The following ITGB1BP1 variants were observed in gnomAD, a reference collection of about 807,000 sequenced individuals.
ITGB1BP1 encodes integrin subunit beta 1 binding protein 1, also known as integrin beta-1-binding protein 1.
Under a neutral mutation model 28.0 loss-of-function variants are expected in ITGB1BP1, and 20 were observed. The observed-to-expected ratio is 0.71, with a 90% CI of 0.50 to 1.04. The LOEUF (loss-of-function observed/expected upper bound fraction) is 1.04, where lower values mean the gene tolerates loss of function less well. Among genes scored for constraint, ITGB1BP1 ranks in the 50% least tolerant of loss-of-function variants. ITGB1BP1 has a pLI of 0.00. For synonymous variants in ITGB1BP1, 103 were observed against 89.5 expected (o/e 1.15, Z -0.85); for missense variants, 228 against 242.5 (o/e 0.94, Z 0.40).
chr2:9,409,833 C>T (rs775832726), intron 4 of ITGB1BP1, among the ~76,000 whole-genome samples: 15 of 148,626 alleles, frequency 1.0e-4, no homozygotes, highest in African/African-American at 1.5e-4. Flanking sequence ...TCCAAACTAC[C>T]GTGAGTTCTT....
chr2:9,408,603 G>C (rs1677880625), intron 4 of ITGB1BP1, among the ~76,000 whole-genome samples: 1 of 152,192 alleles, frequency 6.6e-6, no homozygotes, highest in Non-Finnish European at 1.5e-5. Flanking sequence ...ACCTCCCAAA[G>C]TGCAGGGATT....
At chr2:9,418,776 CTTT>C (rs35904811) in intron 1 of ITGB1BP1, 44 bp from the exon 2 acceptor site, 1,098 of 948,346 alleles carry the variant, frequency 1.2e-3, no homozygotes, top group Non-Finnish European at 1.3e-3. Flanking sequence ...GGAAAAGCAA[CTTT>C]TTTTTTTTTT....
At chr2:9,407,263 A>C in intron 6 of ITGB1BP1, 186 bp downstream of exon 6, 1 of 653,204 alleles carries the variant, frequency 1.5e-6, no homozygotes, top group African/African-American at 1.8e-5. Flanking sequence ...CACTGGCCCT[A>C]ACAAATATTT....
intron 5 of ITGB1BP1, chr2:9,407,899 G>A (rs573875205): frequency 1.8e-6 from 1 of 568,916 alleles, no homozygotes; most frequent in East Asian, 2.9e-5. Context: ...TTTGGGGGTG[G>A]GGGGGGCAGG....
intron 6 of ITGB1BP1, 116 bp from the exon 7 acceptor site, chr2:9,407,021 C>G (rs1677514365): frequency 1.3e-6 from 1 of 763,804 alleles, no homozygotes; most frequent in Non-Finnish European, 2.3e-6. Flanking sequence ...GCAAGCCGAC[C>G]ACACATGCCT....
intron 1 of ITGB1BP1, chr2:9,423,152 C>A: frequency 9.9e-7 from 1 of 1,010,646 alleles, no homozygotes; most frequent in Non-Finnish European, 1.2e-6. Flanking sequence ...CGGGAAGCTG[C>A]AGTCCGCAAG....
At chr2:9,412,016 T>C (rs1303534857) in intron 4 of ITGB1BP1, 6 of 372,528 alleles carry the variant, frequency 1.6e-5, no homozygotes, top group South Asian at 1.5e-4. Context: ...TACTCCAGCC[T>C]GGGCAACAAA....
At chr2:9,412,042 CAAAA>C (rs56249290) in intron 4 of ITGB1BP1, 1,965 of 228,280 alleles carry the variant, frequency 8.6e-3, no homozygotes, top group South Asian at 0.01. Context: ...AACTTGGTCT[CAAAA>C]AAAAAAAAAA....
intron 1 of ITGB1BP1, among the ~76,000 whole-genome samples, chr2:9,421,642 G>C (rs944080890): frequency 4.7e-5 from 7 of 149,810 alleles, no homozygotes; most frequent in Non-Finnish European, 8.8e-5. Flanking sequence ...AGCCGAGATC[G>C]CGCCACTGCA....
chr2:9,423,553 A>AC (rs1160111917), upstream of ITGB1BP1: 15 of 1,142,364 alleles, frequency 1.3e-5, no homozygotes, highest in South Asian at 7.0e-5. Context: ...CTGACGTCCT[A>AC]CCCCCGGTTC....
At chr2:9,417,054 C>A (rs945633806) in intron 2 of ITGB1BP1, among the ~76,000 whole-genome samples, 1 of 152,078 alleles carries the variant, frequency 6.6e-6, no homozygotes, top group African/African-American at 2.4e-5. Context: ...CTTACCACAT[C>A]CTCCCCGGCA....
chr2:9,415,335 C>T lies in ITGB1BP1; in HGVS notation c.73-1079G>A, dbSNP rs1221985043. Among the ~76,000 whole-genome samples the T allele has an allele frequency of 1.3e-5, 2 of 151,992 alleles. No homozygotes were observed. Among genetic ancestry groups the T allele is most frequent in the Non-Finnish European group, 2.9e-5 (2 of 67,992 alleles). On this transcript the variant is annotated intron_variant, in intron 2 of 6. Transcript: ENST00000355346. The surrounding 1 kb of genome is among the most constrained non-coding windows in gnomAD (Gnocchi z 4.1). ...TGGAGGTTGCAGTGAGCCAAGATCA[C>T]GCCACTGCACTCCAGCCTGGGCAAC...
intron 1 of ITGB1BP1, among the ~76,000 whole-genome samples, chr2:9,421,564 G>A (rs1679848525): frequency 6.6e-6 from 1 of 151,932 alleles, no homozygotes; most frequent in African/African-American, 2.4e-5. Context: ...GTGGGCGCCT[G>A]TAGTCCCAGC....
Position 9,422,545 on chromosome 2 carries a change from C to G in ITGB1BP1, c.-36+828G>C, listed in dbSNP as rs572482964. The G allele has an allele frequency of 1.3e-5, 13 of 985,518 alleles. No individual in the cohort carries two copies. The South Asian group carries it at 2.8e-4, about 21-fold the overall frequency. 61.0% of individuals were successfully genotyped at this position (985,518 alleles called of 1,614,324 possible). A position where few individuals can be genotyped will look rare whatever the true frequency, so the allele number is the denominator to read the frequency against. On this transcript the variant is annotated intron_variant, in intron 1 of 6. Transcript: ENST00000355346. ...CAAGGCTGGGGTAAGGGACCCACAG[C>G]TTGAGTGTACCCCCTGATCACAGCG...
chr2:9,421,349 T>C (rs1430051684), intron 1 of ITGB1BP1, among the ~76,000 whole-genome samples: 1 of 152,182 alleles, frequency 6.6e-6, no homozygotes, highest in East Asian at 1.9e-4. Flanking sequence ...TATTAAAGTC[T>C]TTGATATCTG....
rs998640521 is a variant in ITGB1BP1, at chr2:9,415,176, C to T, written c.73-920G>A. On this transcript the variant is annotated intron_variant, in intron 2 of 6. Coordinates refer to ENST00000355346, the MANE Select transcript of ITGB1BP1 (RefSeq NM_004763.5). The surrounding 1 kb of genome is among the most constrained non-coding windows in gnomAD (Gnocchi z 4.1). Reference sequence around the variant, plus strand: ...GGTGGATCACCTGAGGTCAGGAGTTCGAGACCAGCCTGGCCAACATGGTAA... The same window carrying T: ...GGTGGATCACCTGAGGTCAGGAGTTTGAGACCAGCCTGGCCAACATGGTAA... 1.7e-4 allele frequency among the ~76,000 whole-genome samples: 26 copies of T among 151,918 alleles called. No homozygotes were observed. The highest frequency in any genetic ancestry group is 2.4e-5 in the African/African-American group (1 of 41,370).
intron 4 of ITGB1BP1, among the ~76,000 whole-genome samples, chr2:9,411,861 G>A (rs1385053963): frequency 6.6e-6 from 1 of 151,794 alleles, no homozygotes; most frequent in African/African-American, 2.4e-5. Flanking sequence ...TGACCAACAT[G>A]GAAAAACCCT....
upstream of ITGB1BP1, chr2:9,423,554 C>A (rs1171458808): frequency 1.8e-6 from 2 of 1,141,404 alleles, no homozygotes; most frequent in Admixed American, 6.7e-5. Context: ...TGACGTCCTA[C>A]CCCCGGTTCC....
rs1048733058 is a variant in ITGB1BP1 at position 9,415,670 on chromosome 2, G to A, written c.73-1414C>T. 6.6e-6 allele frequency among the ~76,000 whole-genome samples: 1 copy of A among 152,226 alleles called. No individual in the cohort carries two copies. The highest frequency in any genetic ancestry group is 1.5e-5 in the Non-Finnish European group (1 of 68,034). ...TTAAGGCTGAGGAAGTGGCAGTAGG[G>A]AGGTTCTGTGTTGAGCAGCTCCAGG... is the stretch of plus-strand genomic sequence containing the variant. On this transcript the variant is annotated intron_variant, in intron 2 of 6. Transcript: ENST00000355346. This position sits in a 1 kb window ranked among gnomAD's most constrained non-coding sequence, Gnocchi z 4.1.
Sources: allele counts gnomAD v4.1 joint callset (sites outside exome capture counted in the v4.1 genomes callset), GRCh38; gene constraint gnomAD v4.1.1; non-coding constraint Gnocchi (gnomAD v3.1); transcripts MANE v1.5; gene names NCBI Gene and HGNC (gene_info 2026-07-23, HGNC 2026-07-21).